Variants in WWOX observed in about 807,000 individuals in gnomAD.
WWOX encodes the protein WW domain containing oxidoreductase, also known as WW domain-containing oxidoreductase.
In WWOX, 69 loss-of-function variants were observed where a neutral mutation model predicts 46.2. The ratio of observed to expected loss-of-function variants is 1.49; its 90% CI spans 1.23 to 1.82. The LOEUF (loss-of-function observed/expected upper bound fraction) is 1.82, where lower values mean the gene tolerates loss of function less well. WWOX is among the 40% of genes most tolerant of loss of function. The probability of loss-of-function intolerance (pLI) is 0.00; values close to 1 mark genes in which losing one functional copy is unlikely to be tolerated. For missense variants in WWOX, 919 were observed against 542.6 expected (o/e 1.69, Z -6.89); for synonymous variants, 359 against 202.6 (o/e 1.77, Z -6.56).
At chr16:79,040,197 AT>A (rs2047943528) in intron 8 of WWOX, among the ~76,000 whole-genome samples, 2 of 151,928 alleles carry the variant, frequency 1.3e-5, no homozygotes, top group African/African-American at 4.8e-5. Context: ...CATCCTTGGT[AT>A]GACCTCCAAG....
At chr16:78,540,020 TCACA>T (rs71140810) in intron 8 of WWOX, among the ~76,000 whole-genome samples, 21 of 132,854 alleles carry the variant, frequency 1.6e-4, no homozygotes, top group African/African-American at 4.8e-4. Flanking sequence ...TCTCTCTCTC[TCACA>T]CACACACACA....
intron 8 of WWOX, among the ~76,000 whole-genome samples, chr16:78,947,336 AT>A (rs1270054724): frequency 6.6e-6 from 1 of 151,934 alleles, no homozygotes; most frequent in African/African-American, 2.4e-5. Context: ...TTCAAACACC[AT>A]TTTTTAAGCC....
At chr16:78,228,208 G>T (rs961635247) in intron 5 of WWOX, among the ~76,000 whole-genome samples, 1 of 152,074 alleles carries the variant, frequency 6.6e-6, no homozygotes, top group Admixed American at 6.6e-5. Context: ...AGTCCAGGGT[G>T]TTCTCTTACC....
intron 7 of WWOX, among the ~76,000 whole-genome samples, chr16:78,427,840 C>T (rs2083122762): frequency 6.6e-6 from 1 of 152,026 alleles, no homozygotes; most frequent in Admixed American, 6.6e-5. Context: ...GTGTCTCACG[C>T]CTGTAATCCC....
intron 8 of WWOX, among the ~76,000 whole-genome samples, chr16:79,046,729 C>A (rs1044693105): frequency 1.3e-5 from 2 of 152,146 alleles, no homozygotes; most frequent in Admixed American, 6.5e-5. Flanking sequence ...CATTCAGCTC[C>A]CACCTCTTTC....
At chr16:78,178,150 A>G (rs930197071) in intron 5 of WWOX, among the ~76,000 whole-genome samples, 18 of 152,178 alleles carry the variant, frequency 1.2e-4, no homozygotes, top group Admixed American at 3.3e-4. Flanking sequence ...ATACCCGGAG[A>G]GCAGGCAAGA....
intron 8 of WWOX, among the ~76,000 whole-genome samples, chr16:78,938,471 C>G (rs927092349): frequency 6.6e-6 from 1 of 151,564 alleles, no homozygotes; most frequent in Non-Finnish European, 1.5e-5. Context: ...GGCTCTGTTT[C>G]ATGAGTTTTC....
intron 8 of WWOX, among the ~76,000 whole-genome samples, chr16:78,946,656 T>C (rs937279866): frequency 6.6e-6 from 1 of 152,196 alleles, no homozygotes; most frequent in Non-Finnish European, 1.5e-5. Context: ...AGTGATGGCA[T>C]GTCTCCACTC....
At chr16:78,398,224 C>T (rs1165740583) in intron 6 of WWOX, among the ~76,000 whole-genome samples, 1 of 152,168 alleles carries the variant, frequency 6.6e-6, no homozygotes, top group Non-Finnish European at 1.5e-5. Context: ...CAAATAGCTA[C>T]ACTTCCTGCT....
At chr16:79,166,806 G>A (rs1022598634) in intron 8 of WWOX, among the ~76,000 whole-genome samples, 2 of 152,078 alleles carry the variant, frequency 1.3e-5, no homozygotes, top group African/African-American at 4.8e-5. Context: ...GTTAATAGTA[G>A]GCCCTGAATA....
intron 8 of WWOX, among the ~76,000 whole-genome samples, chr16:78,953,369 G>T (rs754521705): frequency 1.3e-5 from 2 of 152,186 alleles, no homozygotes; most frequent in Non-Finnish European, 2.9e-5. Context: ...CACACTAATT[G>T]TATGCAAATG....
chr16:78,398,381 CCAT>C (rs1162150236), intron 6 of WWOX, among the ~76,000 whole-genome samples: 1 of 152,136 alleles, frequency 6.6e-6, no homozygotes, highest in Admixed American at 6.5e-5. Context: ...TCCCACTTGT[CCAT>C]CATCATGTCA....
chr16:78,277,953 G>A (rs2079609781), intron 5 of WWOX, among the ~76,000 whole-genome samples: 1 of 152,064 alleles, frequency 6.6e-6, no homozygotes, highest in Non-Finnish European at 1.5e-5. Context: ...CCCACCATGG[G>A]GTTAAAAAAA....
chr16:78,576,619 G>A (rs1037607839), intron 8 of WWOX, among the ~76,000 whole-genome samples: 2 of 152,142 alleles, frequency 1.3e-5, no homozygotes, highest in African/African-American at 4.8e-5. Flanking sequence ...CATCACTTGA[G>A]GCCAGAAGTT....
rs16949173 is a variant in WWOX, at chr16:78,991,157, G to A, written c.1057-220451G>A. On this transcript the variant is annotated intron_variant, in intron 8 of 8. Coordinates refer to ENST00000566780, the MANE Select transcript of WWOX (RefSeq NM_016373.4). ...TACTAAGTCATTGATGGCACATTCA[G>A]CCCTTGTCAAAGTCAAAGAAGAAAT... Among the ~76,000 whole-genome samples the A allele has an allele frequency of 8.7e-3, 1,331 of 152,286 alleles. 24 individuals carry two copies. Among genetic ancestry groups the A allele is most frequent in the African/African-American group, 0.03 (1,255 of 41,574 alleles).
At chr16:78,437,180 G>T (rs1180910023) in intron 8 of WWOX, among the ~76,000 whole-genome samples, 1 of 152,170 alleles carries the variant, frequency 6.6e-6, no homozygotes, top group African/African-American at 2.4e-5. Flanking sequence ...TCTGTAGCTG[G>T]CTCCCTTAAG....
At chr16:78,377,572 A>C (rs558536314) in intron 5 of WWOX, among the ~76,000 whole-genome samples, 3 of 152,310 alleles carry the variant, frequency 2.0e-5, no homozygotes, top group East Asian at 3.9e-4. Context: ...GCAAGGCATA[A>C]ATGCACAATC....
rs117457675 is a variant in WWOX, at chr16:78,793,537, A to G, written c.1056+360785A>G. On this transcript the variant is annotated intron_variant, in intron 8 of 8. Coordinates refer to ENST00000566780, the MANE Select transcript of WWOX (RefSeq NM_016373.4). ...GAAATTTTGCAGGTCATTAGCTCAT[A>G]ATGATTAAATGATTCTGGTTATTAG... 6.0e-3 allele frequency among the ~76,000 whole-genome samples: 917 copies of G among 152,290 alleles called. 3 individuals are homozygous for G. Among genetic ancestry groups the G allele is most frequent in the Non-Finnish European group, 9.0e-3 (612 of 68,028 alleles).
At chr16:78,668,559 G>C (rs72794802) in intron 8 of WWOX, among the ~76,000 whole-genome samples, 1 of 152,144 alleles carries the variant, frequency 6.6e-6, no homozygotes, top group Non-Finnish European at 1.5e-5. Context: ...TGTGGCAAGG[G>C]GCGTGACAAA....
Sources: gnomAD v4.1 joint callset for allele counts (sites outside exome capture counted in the v4.1 genomes callset) on GRCh38, gnomAD v4.1.1 for gene constraint, MANE v1.5 for transcripts, NCBI Gene and HGNC (gene_info 2026-07-23, HGNC 2026-07-21) for gene names.